CCDC169: variants seen among roughly 807,000 people sequenced by gnomAD.
CCDC169 encodes coiled-coil domain containing 169, also known as coiled-coil domain-containing protein 169.
A neutral mutation model predicts 36.0 loss-of-function variants in CCDC169; 30 were observed. The observed-to-expected ratio is 0.83, with a 90% confidence interval of 0.62 to 1.13. CCDC169 has a LOEUF of 1.13. Ranked by LOEUF, CCDC169 falls within the 50% of genes most tolerant of loss-of-function variation. CCDC169 has a pLI of 0.00. For missense variants in CCDC169, 245 were observed against 245.9 expected (o/e 1.00, Z 0.03); for synonymous variants, 85 against 81.5 (o/e 1.04, Z -0.23).
At chr13:36,230,095 TAAGGA>T (rs1231048536), downstream of CCDC169, among the ~76,000 whole-genome samples, 1 of 152,196 alleles carries the variant, frequency 6.6e-6, no homozygotes, top group Non-Finnish European at 1.5e-5. Context: ...TATTCTTCCT[TAAGGA>T]AAGAAAATAA....
At chr13:36,249,289 G>A (rs571243576) in intron 6 of CCDC169, among the ~76,000 whole-genome samples, 2 of 152,240 alleles carry the variant, frequency 1.3e-5, no homozygotes, top group African/African-American at 4.8e-5. Flanking sequence ...TTAAAGGATA[G>A]GACAATTACC....
chr13:36,263,808 T>C (rs375027930), intron 4 of CCDC169, among the ~76,000 whole-genome samples: 17 of 152,262 alleles, frequency 1.1e-4, no homozygotes, highest in Non-Finnish European at 1.8e-4. Context: ...GGTAAACATA[T>C]GCAAGAAGCT....
At chr13:36,239,682 G>A (rs1871528906) in intron 7 of CCDC169, among the ~76,000 whole-genome samples, 1 of 152,000 alleles carries the variant, frequency 6.6e-6, no homozygotes, top group East Asian at 1.9e-4. Flanking sequence ...TTCATCTTAT[G>A]GGGGAGAAAA....
intron 2 of CCDC169, 148 bp downstream of exon 2, chr13:36,295,630 A>C (rs1158316591): frequency 2.2e-6 from 1 of 458,800 alleles, no homozygotes; most frequent in African/African-American, 2.0e-5. Flanking sequence ...TAAAGCCTCT[A>C]TCATAAACTA....
chr13:36,245,729 C>T (rs975485652), intron 7 of CCDC169, among the ~76,000 whole-genome samples: 4 of 152,142 alleles, frequency 2.6e-5, no homozygotes, highest in African/African-American at 7.2e-5. Context: ...AGGGCTGATG[C>T]TGTAATTATT....
At chr13:36,235,590 C>A (rs1870973815) in intron 7 of CCDC169, among the ~76,000 whole-genome samples, 1 of 151,744 alleles carries the variant, frequency 6.6e-6, no homozygotes, top group Admixed American at 6.6e-5. Context: ...TTCACTATTA[C>A]CACTTCTATT....
chr13:36,272,306 A>C (rs2138564902), intron 4 of CCDC169, among the ~76,000 whole-genome samples: 1 of 151,988 alleles, frequency 6.6e-6, no homozygotes, highest in African/African-American at 2.4e-5. Context: ...AGTTGAAGTC[A>C]GCTAACAATG....
At chr13:36,267,572 C>A (rs188318729) in intron 4 of CCDC169, among the ~76,000 whole-genome samples, 10 of 152,118 alleles carry the variant, frequency 6.6e-5, no homozygotes, top group Admixed American at 6.5e-4. Flanking sequence ...ATCTAGGTAA[C>A]AATTAATATG....
intron 1 of CCDC169, 135 bp from the exon 2 acceptor site, chr13:36,295,992 AAG>A: frequency 1.8e-6 from 1 of 558,742 alleles, no homozygotes; most frequent in East Asian, 3.1e-5. Context: ...GTTAAGAAAT[AAG>A]ACTCAGGCAA....
chr13:36,297,540 T>A, intron 1 of CCDC169, 97 bp downstream of exon 1: 1 of 1,220,918 alleles, frequency 8.2e-7, no homozygotes. Flanking sequence ...ACGGCGCCGG[T>A]CTTACAGCAC....
intron 6 of CCDC169, among the ~76,000 whole-genome samples, chr13:36,250,801 T>G (rs1873055558): frequency 6.6e-6 from 1 of 152,166 alleles, no homozygotes; most frequent in African/African-American, 2.4e-5. Context: ...CTAAAACCAG[T>G]GGATTTTAAG....
chr13:36,257,472 G>A (rs887273827), intron 4 of CCDC169, among the ~76,000 whole-genome samples: 1 of 150,774 alleles, frequency 6.6e-6, no homozygotes, highest in African/African-American at 2.4e-5. Context: ...TTGGGAGGCC[G>A]AGGCAGGCAG....
chr13:36,250,470 G>C (rs1209172628), intron 6 of CCDC169, among the ~76,000 whole-genome samples: 1 of 152,190 alleles, frequency 6.6e-6, no homozygotes, highest in African/African-American at 2.4e-5. Flanking sequence ...GAAGAAAAAT[G>C]GGTGTGGCAG....
intron 7 of CCDC169, among the ~76,000 whole-genome samples, chr13:36,232,648 A>T (rs534579742): frequency 1.0e-4 from 6 of 59,748 alleles, no homozygotes; most frequent in Non-Finnish European, 2.9e-4. Context: ...ATACAAAAAA[A>T]GATGAGCCGA....
At chr13:36,226,815 G>A, downstream of CCDC169, 1 of 258,838 alleles carries the variant, frequency 3.9e-6, no homozygotes, top group Non-Finnish European at 7.2e-6. Flanking sequence ...AGAAAGGAGA[G>A]CAAACATTGA....
At chr13:36,258,527 T>G (rs1450242397) in intron 4 of CCDC169, among the ~76,000 whole-genome samples, 1 of 152,172 alleles carries the variant, frequency 6.6e-6, no homozygotes, top group Non-Finnish European at 1.5e-5. Flanking sequence ...TCCTCACTGC[T>G]CATTATATGC....
chr13:36,289,640 G>C (rs546099503), intron 2 of CCDC169, among the ~76,000 whole-genome samples: 1 of 152,138 alleles, frequency 6.6e-6, no homozygotes, highest in Non-Finnish European at 1.5e-5. Flanking sequence ...GGTAACTGGC[G>C]TAAGAAACAA....
At chr13:36,272,553 A>AT (rs1876243825) in intron 4 of CCDC169, among the ~76,000 whole-genome samples, 1 of 151,624 alleles carries the variant, frequency 6.6e-6, no homozygotes, top group South Asian at 2.1e-4. Context: ...TTTTTCTCTC[A>AT]TTTTTTCTTC....
intron 7 of CCDC169, among the ~76,000 whole-genome samples, chr13:36,233,805 C>T (rs938036320): frequency 1.8e-4 from 27 of 152,118 alleles, no homozygotes; most frequent in Admixed American, 3.3e-4. Context: ...AATATTTTCC[C>T]CCAAAATATA....
Sources: allele counts gnomAD v4.1 joint callset (sites outside exome capture counted in the v4.1 genomes callset), GRCh38; gene constraint gnomAD v4.1.1; transcripts MANE v1.5; gene names NCBI Gene and HGNC (gene_info 2026-07-23, HGNC 2026-07-21).